EFL1: variants seen among roughly 807,000 people sequenced by gnomAD.
EFL1 encodes the protein elongation factor-like GTPase 1.
Under a neutral mutation model 126.7 loss-of-function variants are expected in EFL1, and 76 were observed. That is an observed-to-expected ratio of 0.60 (90% confidence interval 0.50 to 0.73). The LOEUF is 0.73. Ranked by LOEUF, EFL1 falls within the 30% of genes least tolerant of loss-of-function variation. EFL1 has a pLI of 0.00. For synonymous variants in EFL1, 410 were observed against 448.4 expected (o/e 0.91, Z 1.08); for missense variants, 1,128 against 1,343.2 (o/e 0.84, Z 2.50).
At chr15:82,142,199 G>C (rs1015547489) in intron 18 of EFL1, among the ~76,000 whole-genome samples, 1 of 152,130 alleles carries the variant, frequency 6.6e-6, no homozygotes, top group Non-Finnish European at 1.5e-5. Flanking sequence ...TGTTTGTTCA[G>C]TCACTTAAAT....
intron 3 of EFL1, among the ~76,000 whole-genome samples, chr15:82,254,084 C>T (rs557195669): frequency 1.3e-5 from 2 of 152,308 alleles, no homozygotes; most frequent in South Asian, 2.1e-4. Context: ...GAAAAGCTTC[C>T]ATTTCCACAG....
intron 16 of EFL1, chr15:82,160,159 C>T (rs1453027135): frequency 3.3e-5 from 5 of 152,268 alleles, no homozygotes; most frequent in Non-Finnish European, 7.3e-5. Context: ...GGCATTATAG[C>T]TTCTGCCTTA....
intron 15 of EFL1, among the ~76,000 whole-genome samples, chr15:82,185,428 C>T (rs1567054899): frequency 3.3e-5 from 5 of 151,684 alleles, no homozygotes; most frequent in Admixed American, 6.6e-5. Context: ...AACCCAAAAA[C>T]AAAAAATCCA....
chr15:82,247,625 T>C (rs1891200664), intron 4 of EFL1, among the ~76,000 whole-genome samples: 1 of 151,902 alleles, frequency 6.6e-6, no homozygotes, highest in Non-Finnish European at 1.5e-5. Flanking sequence ...AGCATTCACT[T>C]GGAAAAGGTA....
intron 6 of EFL1, 35 bp from the exon 7 acceptor site, chr15:82,238,556 A>G (rs755908908): frequency 1.3e-6 from 2 of 1,514,388 alleles, no homozygotes; most frequent in South Asian, 1.2e-5. Context: ...AGCGTCATTC[A>G]GATGCTCAGC....
At chr15:82,204,595 T>G (rs1161242501) in intron 15 of EFL1, among the ~76,000 whole-genome samples, 1 of 152,218 alleles carries the variant, frequency 6.6e-6, no homozygotes, top group Non-Finnish European at 1.5e-5. Context: ...CTTCCTAACC[T>G]GCATGAAACC....
At chr15:82,252,225 A>G (rs1170045430) in intron 4 of EFL1, among the ~76,000 whole-genome samples, 4 of 152,200 alleles carry the variant, frequency 2.6e-5, no homozygotes, top group Admixed American at 2.0e-4. Context: ...AATATCAGTG[A>G]CATGTATCTC....
At chr15:82,165,684 C>T (rs144197001) in intron 15 of EFL1, among the ~76,000 whole-genome samples, 2 of 152,216 alleles carry the variant, frequency 1.3e-5, no homozygotes, top group African/African-American at 4.8e-5. Context: ...GTGTGTGGAA[C>T]CTCCAAAGGT....
chr15:82,131,433 A>G (rs2073642793), intron 19 of EFL1, among the ~76,000 whole-genome samples: 1 of 152,302 alleles, frequency 6.6e-6, no homozygotes, highest in South Asian at 2.1e-4. Context: ...CTAGGATTAC[A>G]GGTGCATGCC....
At chr15:82,204,405 T>G (rs2141285202) in intron 15 of EFL1, among the ~76,000 whole-genome samples, 1 of 152,246 alleles carries the variant, frequency 6.6e-6, no homozygotes, top group Non-Finnish European at 1.5e-5. Flanking sequence ...AAAATCTACT[T>G]AACCAATTTA....
At chr15:82,200,900 T>C (rs76779369) in intron 15 of EFL1, among the ~76,000 whole-genome samples, 1 of 152,260 alleles carries the variant, frequency 6.6e-6, no homozygotes. Context: ...ATTTTTTTTT[T>C]AAGACAGTGT....
chr15:82,176,696 T>C (rs1180301846), intron 15 of EFL1, among the ~76,000 whole-genome samples: 1 of 152,208 alleles, frequency 6.6e-6, no homozygotes, highest in East Asian at 1.9e-4. Flanking sequence ...CAACTGGAAC[T>C]TTCAGATACC....
intron 15 of EFL1, among the ~76,000 whole-genome samples, chr15:82,197,044 A>T (rs57014042): frequency 0.15 from 22,919 of 151,958 alleles, 2,553 homozygotes; most frequent in African/African-American, 0.31. Flanking sequence ...AAAAAAAAAA[A>T]AAAAATTGTG....
At chr15:82,203,796 A>G (rs1049245719) in intron 15 of EFL1, among the ~76,000 whole-genome samples, 4 of 152,260 alleles carry the variant, frequency 2.6e-5, no homozygotes, top group African/African-American at 9.6e-5. Context: ...TCACGAATGT[A>G]TAATATTCCA....
chr15:82,186,375 T>C (rs2141265820), intron 15 of EFL1, among the ~76,000 whole-genome samples: 1 of 152,342 alleles, frequency 6.6e-6, no homozygotes, highest in East Asian at 1.9e-4. Flanking sequence ...AAGTACTATA[T>C]TGTCTGGCTC....
At chr15:82,188,789 A>G (rs1261923147) in intron 15 of EFL1, among the ~76,000 whole-genome samples, 1 of 151,894 alleles carries the variant, frequency 6.6e-6, no homozygotes, top group Non-Finnish European at 1.5e-5. Flanking sequence ...TCTTTCCTCT[A>G]TGTTGTTTCA....
intron 17 of EFL1, among the ~76,000 whole-genome samples, chr15:82,155,775 T>G (rs2073961138): frequency 6.6e-6 from 1 of 152,232 alleles, no homozygotes; most frequent in Non-Finnish European, 1.5e-5. Flanking sequence ...ACCACTCTAG[T>G]GGGTATGCAG....
intron 15 of EFL1, among the ~76,000 whole-genome samples, chr15:82,212,578 T>G (rs941411825): frequency 2.6e-5 from 4 of 152,228 alleles, no homozygotes; most frequent in Non-Finnish European, 4.4e-5. Flanking sequence ...TGCATTTCAG[T>G]TCCTTCAATG....
intron 15 of EFL1, among the ~76,000 whole-genome samples, chr15:82,167,115 T>A (rs556527561): frequency 6.6e-6 from 1 of 152,162 alleles, no homozygotes; most frequent in South Asian, 2.1e-4. Flanking sequence ...TTTATGTTTA[T>A]CAAAAAAGTA....
Sources: allele counts gnomAD v4.1 joint callset (sites outside exome capture counted in the v4.1 genomes callset), GRCh38; gene constraint gnomAD v4.1.1; transcripts MANE v1.5; gene names NCBI Gene and HGNC (gene_info 2026-07-23, HGNC 2026-07-21).